Variants in TBC1D32 observed in about 807,000 individuals in gnomAD.
The protein encoded by TBC1D32 is protein broad-minded.
TBC1D32 carries 151 observed loss-of-function variants against 170.3 expected under a neutral mutation model. The observed-to-expected ratio is 0.89, with a 90% CI of 0.78 to 1.01. The LOEUF is 1.01. Among genes scored for constraint, TBC1D32 ranks in the 50% least tolerant of loss-of-function variants. The pLI, the probability that TBC1D32 is intolerant of heterozygous loss-of-function variation, is 0.00. For missense variants in TBC1D32, 1,464 were observed against 1,457.1 expected (o/e 1.00, Z -0.08); for synonymous variants, 498 against 488.0 (o/e 1.02, Z -0.27).
intron 22 of TBC1D32, among the ~76,000 whole-genome samples, chr6:121,187,488 C>T (rs1789349105): frequency 6.6e-6 from 1 of 152,076 alleles, no homozygotes; most frequent in South Asian, 2.1e-4. Context: ...TGGGTTTTAG[C>T]TTTCCTGGCC....
At chr6:121,145,664 T>C (rs1181256954) in intron 24 of TBC1D32, among the ~76,000 whole-genome samples, 1 of 152,192 alleles carries the variant, frequency 6.6e-6, no homozygotes, top group African/African-American at 2.4e-5. Context: ...TGGCTGAATT[T>C]AGCCATTCCA....
intron 3 of TBC1D32, among the ~76,000 whole-genome samples, chr6:121,314,128 T>A (rs2128492232): frequency 6.6e-6 from 1 of 152,310 alleles, no homozygotes; most frequent in East Asian, 1.9e-4. Flanking sequence ...TCTGTTTCTT[T>A]GCCTTTTCCA....
Position 121,125,401 on chromosome 6 carries a change from G to A in TBC1D32, c.2983+977C>T, listed in dbSNP as rs188000486. On this transcript the variant is annotated intron_variant, in intron 26 of 31. Coordinates refer to ENST00000398212, the MANE Select transcript of TBC1D32 (RefSeq NM_152730.6). ...ATGACTGTAAGCCCCAGATAGGTGC[G>A]CTTCCCAGCAGGTCTCTGTATAAGG... Among the ~76,000 whole-genome samples, 100 of 152,222 alleles carry A rather than the reference G, an allele frequency of 6.6e-4. No homozygotes were observed. The Middle Eastern group carries it at 0.01, about 16-fold the overall frequency.
chr6:121,108,811 T>A, intron 29 of TBC1D32, among the ~76,000 whole-genome samples: 1 of 152,116 alleles, frequency 6.6e-6, no homozygotes, highest in East Asian at 1.9e-4. Context: ...AACTCTCCAA[T>A]TCAAATGGAT....
chr6:121,265,291 G>A (rs865931193), intron 15 of TBC1D32, among the ~76,000 whole-genome samples: 4 of 152,200 alleles, frequency 2.6e-5, no homozygotes, highest in African/African-American at 9.6e-5. Context: ...GCCAAATCAT[G>A]AATGAACTCC....
chr6:121,156,157 T>C (rs1784858707), intron 24 of TBC1D32, among the ~76,000 whole-genome samples: 1 of 151,424 alleles, frequency 6.6e-6, no homozygotes, highest in South Asian at 2.1e-4. Context: ...TTTTTTTTGG[T>C]TGTTAGGCTT....
chr6:121,289,353 C>A (rs1444862475), intron 12 of TBC1D32, among the ~76,000 whole-genome samples: 2 of 152,162 alleles, frequency 1.3e-5, no homozygotes, highest in African/African-American at 4.8e-5. Context: ...CATTCCTATA[C>A]ACCAATAACA....
At chr6:121,331,691 G>C (rs192753546) in intron 1 of TBC1D32, among the ~76,000 whole-genome samples, 131 of 152,276 alleles carry the variant, frequency 8.6e-4, no homozygotes, top group African/African-American at 3.1e-3. Context: ...TGTTGAAGGA[G>C]AGTCAGGTCA....
Position 121,310,817 on chromosome 6 carries a change from A to G in TBC1D32, c.526T>C (p.Leu176=). The change falls in exon 4 of 32, where the codon TTG becomes CTG. Residue 176 remains leucine (L), a synonymous_variant. Coordinates refer to ENST00000398212, the MANE Select transcript of TBC1D32 (RefSeq NM_152730.6). ...CCAGGATCCAACTGGTCTAAAATCAATTGTAATTTTCCTTGACAAAATTTG... is the reference window on the plus strand; with the variant it reads ...CCAGGATCCAACTGGTCTAAAATCAGTTGTAATTTTCCTTGACAAAATTTG... ...SYKFCQGKLQ[L]ILDQLDPGQP... The G allele has an allele frequency of 6.3e-7, 1 of 1,584,114 alleles. No homozygotes were observed. The highest frequency in any genetic ancestry group is 1.1e-5 in the South Asian group (1 of 88,242).
intron 25 of TBC1D32, among the ~76,000 whole-genome samples, chr6:121,129,505 G>A (rs1351641547): frequency 1.2e-4 from 19 of 152,100 alleles, no homozygotes; most frequent in Non-Finnish European, 1.5e-5. Context: ...AAATAGTATA[G>A]TTTATATTGA....
chr6:121,290,453 C>T (rs1168485139), intron 12 of TBC1D32, among the ~76,000 whole-genome samples: 2 of 151,826 alleles, frequency 1.3e-5, no homozygotes, highest in Admixed American at 6.6e-5. Context: ...CAATGAGATA[C>T]CATCTCACAC....
rs79232564 is a variant in TBC1D32, at chr6:121,296,622, T to C, written c.1141-1962A>G. 9.2e-4 allele frequency among the ~76,000 whole-genome samples: 140 copies of C among 152,226 alleles called. 1 individual carries two copies. The highest frequency in any genetic ancestry group is 6.7e-3 in the Admixed American group (103 of 15,260). On this transcript the variant is annotated intron_variant, in intron 10 of 31. Transcript: ENST00000398212. ...AAATAAAGTATTTTGAGTCCATCCA[T>C]TTATCCCAATTCTGTCTTATCCTTC...
chr6:121,270,197 A>G (rs1396755683), intron 15 of TBC1D32, among the ~76,000 whole-genome samples: 2 of 152,194 alleles, frequency 1.3e-5, no homozygotes, highest in African/African-American at 4.8e-5. Context: ...ATCACAATTA[A>G]AAGAACTAGA....
rs1472391464 is a variant in TBC1D32 at position 121,198,242 on chromosome 6, TA to T, written c.2570+6832del. ...TGTGTGTATAATATATATAAATATA[TA>T]TATTATATATATATATAATATATAT... On this transcript the variant is annotated intron_variant, in intron 22 of 31. Transcript: ENST00000398212. Among the ~76,000 whole-genome samples, 8 of 141,446 alleles carry T rather than the reference TA, an allele frequency of 5.7e-5. No individual in the cohort carries two copies. In the South Asian group the frequency reaches 1.5e-3, roughly 26 times the overall value. 92.8% of individuals were successfully genotyped at this position (141,446 alleles called of 152,430 possible).
chr6:121,114,128 C>T (rs1433927195), intron 27 of TBC1D32, among the ~76,000 whole-genome samples: 1 of 152,036 alleles, frequency 6.6e-6, no homozygotes, highest in Non-Finnish European at 1.5e-5. Context: ...GAGCCGAGAT[C>T]GTGCCACTGC....
At position 121,130,801 on chromosome 6, in the gene TBC1D32, T is replaced by C. The variant is rs142608885; in HGVS notation, c.2899+826A>G. ...CCCACCATTTATATTAAATATTCTC[T>C]ATTATTCAATCAATGGTAAATATAT... On this transcript the variant is annotated intron_variant, in intron 25 of 31. Transcript: ENST00000398212. Among the ~76,000 whole-genome samples the C allele has an allele frequency of 2.5e-3, 377 of 152,258 alleles. 2 individuals are homozygous for C. The highest frequency in any genetic ancestry group is 8.8e-3 in the African/African-American group (365 of 41,570).
chr6:121,298,926 T>C (rs560345812), intron 10 of TBC1D32, among the ~76,000 whole-genome samples: 1 of 152,292 alleles, frequency 6.6e-6, no homozygotes, highest in South Asian at 2.1e-4. Context: ...TGATTTCTTT[T>C]TAATTATTTT....
intron 22 of TBC1D32, among the ~76,000 whole-genome samples, chr6:121,188,341 T>C (rs916007135): frequency 2.6e-5 from 4 of 152,122 alleles, no homozygotes; most frequent in Admixed American, 2.6e-4. Context: ...ATTATGTAAT[T>C]ATTAACTCCA....
chr6:121,225,840 T>C (rs553204367), intron 20 of TBC1D32, among the ~76,000 whole-genome samples: 1 of 152,182 alleles, frequency 6.6e-6, no homozygotes, highest in East Asian at 1.9e-4. Flanking sequence ...ATTTCTGGAA[T>C]AAAAATATAT....
Sources: gnomAD v4.1 joint callset for allele counts (sites outside exome capture counted in the v4.1 genomes callset) on GRCh38, gnomAD v4.1.1 for gene constraint, MANE v1.5 for transcripts, NCBI Gene and HGNC (gene_info 2026-07-23, HGNC 2026-07-21) for gene names.